Variants in RBFOX1 observed in about 807,000 individuals in gnomAD.
RBFOX1 encodes the protein RNA binding protein fox-1 homolog 1.
A neutral mutation model predicts 57.7 loss-of-function variants in RBFOX1; 8 were observed. The ratio of observed to expected loss-of-function variants is 0.14; its 90% CI spans 0.08 to 0.25. The LOEUF (loss-of-function observed/expected upper bound fraction) is 0.25. Among genes scored for constraint, RBFOX1 ranks in the 10% least tolerant of loss-of-function variants. RBFOX1 has a pLI of 1.00. For missense variants in RBFOX1, 611 were observed against 548.5 expected (o/e 1.11, Z -1.14); for synonymous variants, 326 against 222.4 (o/e 1.47, Z -4.15).
At chr16:5,815,413 C>T (rs1269291529) in intron 3 of RBFOX1, among the ~76,000 whole-genome samples, 1 of 152,060 alleles carries the variant, frequency 6.6e-6, no homozygotes, top group African/African-American at 2.4e-5. Context: ...CTTCAGATCC[C>T]ATGATTAGAA....
At position 7,527,074 on chromosome 16, in the gene RBFOX1, C is replaced by T. The variant is rs181642669; in HGVS notation, c.270+8685C>T. Reference sequence around the variant, plus strand: ...AGTGTGCTCTTGTTTGAGACCTGCGCCTTGAGCAAACTCCAATAACATGTT... The same window carrying T: ...AGTGTGCTCTTGTTTGAGACCTGCGTCTTGAGCAAACTCCAATAACATGTT... On this transcript the variant is annotated intron_variant, in intron 5 of 15. Coordinates refer to ENST00000550418, the MANE Select transcript of RBFOX1 (RefSeq NM_018723.4). Among the ~76,000 whole-genome samples the T allele has an allele frequency of 7.9e-5, 12 of 152,320 alleles. No individual in the cohort carries two copies. The East Asian group carries it at 2.1e-3, about 27-fold the overall frequency.
chr16:6,775,142 G>GGTGA (rs2154217572), intron 3 of RBFOX1, among the ~76,000 whole-genome samples: 1 of 149,934 alleles, frequency 6.7e-6, no homozygotes, highest in African/African-American at 2.5e-5. Flanking sequence ...TGGCGAACAT[G>GGTGA]GTGAAACCCC....
At chr16:6,323,494 AGTT>A in intron 2 of RBFOX1, among the ~76,000 whole-genome samples, 1 of 152,076 alleles carries the variant, frequency 6.6e-6, no homozygotes, top group East Asian at 1.9e-4. Context: ...ATTTTGAATG[AGTT>A]GTTCATTGAG....
At chr16:5,992,086 A>C (rs765353067) in intron 4 of RBFOX1, among the ~76,000 whole-genome samples, 6 of 152,212 alleles carry the variant, frequency 3.9e-5, no homozygotes, top group Non-Finnish European at 5.9e-5. Context: ...AACTGTAAAA[A>C]TCCTTCACCA....
Position 6,019,662 on chromosome 16 carries a change from C to A in RBFOX1, c.-457C>A, listed in dbSNP as rs543984071. 3 of 1,302,734 alleles carry A rather than the reference C, an allele frequency of 2.3e-6. No homozygotes were observed. The highest frequency in any genetic ancestry group is 2.9e-4 in the Middle Eastern group (1 of 3,394). The allele number at this position is 1,302,734 out of a possible 1,614,324, so 80.7% of individuals were successfully genotyped here. ...GGACAGCCAGCCGTGGGCCCCGCCC[C>A]GGCGTCCGGAGCAGGAGAACTCCGA... is the stretch of plus-strand genomic sequence containing the variant. On this transcript the variant is annotated 5_prime_UTR_variant, in exon 1 of 16. Transcript: ENST00000550418. This position sits in a 1 kb window ranked among gnomAD's most constrained non-coding sequence, Gnocchi z 4.2.
At chr16:7,550,877 T>G (rs370231132) in intron 5 of RBFOX1, among the ~76,000 whole-genome samples, 3 of 151,956 alleles carry the variant, frequency 2.0e-5, no homozygotes, top group African/African-American at 7.2e-5. Flanking sequence ...GCGGATCACT[T>G]GAGGTCAGGA....
chr16:6,724,657 C>A (rs1330850564), intron 3 of RBFOX1, among the ~76,000 whole-genome samples: 2 of 152,040 alleles, frequency 1.3e-5, no homozygotes, highest in Non-Finnish European at 2.9e-5. Flanking sequence ...TTATAGCAGC[C>A]CGAATAGACT....
chr16:6,285,914 TTAAA>T (rs2076859613), intron 1 of RBFOX1, among the ~76,000 whole-genome samples: 1 of 152,188 alleles, frequency 6.6e-6, no homozygotes, highest in Non-Finnish European at 1.5e-5. Context: ...AGTCACATAA[TTAAA>T]TAAATTGAGG....
chr16:7,387,028 C>G (rs1041281505), intron 4 of RBFOX1, among the ~76,000 whole-genome samples: 3 of 152,088 alleles, frequency 2.0e-5, no homozygotes, highest in African/African-American at 7.2e-5. Flanking sequence ...AATGTCTTCT[C>G]TTGAGAAGTG....
chr16:6,043,464 G>C (rs2095463206), intron 1 of RBFOX1, among the ~76,000 whole-genome samples: 1 of 152,168 alleles, frequency 6.6e-6, no homozygotes. Flanking sequence ...GAGTCAGGTT[G>C]GAATTGGGTA....
rs57110590 is a variant in RBFOX1, at chr16:6,941,300, C to CTCCTTCCTTCCTTCCTTCCTTCCT, written c.-15-110722_-15-110699dup. On this transcript the variant is annotated intron_variant, in intron 3 of 15. Coordinates refer to ENST00000550418, the MANE Select transcript of RBFOX1 (RefSeq NM_018723.4). ...CTCCCTTCCCTCCTTCCCTCCCTCC[C>CTCCTTCCTTCCTTCCTTCCTTCCT]TCCTTCCTTCCTTCCTTCCTTCCTT... Among the ~76,000 whole-genome samples the CTCCTTCCTTCCTTCCTTCCTTCCT allele has an allele frequency of 6.8e-4, 54 of 79,216 alleles. No individual in the cohort carries two copies. The East Asian group carries it at 8.5e-3, about 12-fold the overall frequency. 52.0% of individuals were successfully genotyped at this position (79,216 alleles called of 152,430 possible).
chr16:5,541,602 C>T (rs554317699), intron 2 of RBFOX1, among the ~76,000 whole-genome samples: 19 of 152,180 alleles, frequency 1.2e-4, no homozygotes, highest in Middle Eastern at 3.4e-3. Context: ...TTTATCTCAG[C>T]GAGCAGAGGG....
chr16:6,967,225 A>T (rs985724770), intron 3 of RBFOX1, among the ~76,000 whole-genome samples: 1 of 151,868 alleles, frequency 6.6e-6, no homozygotes, highest in African/African-American at 2.4e-5. Context: ...TCCATCATCC[A>T]TTTGTTTATA....
chr16:6,176,280 G>C (rs2097007403), intron 1 of RBFOX1, among the ~76,000 whole-genome samples: 1 of 150,150 alleles, frequency 6.7e-6, no homozygotes, highest in East Asian at 1.9e-4. Context: ...CGAGTAGCTG[G>C]GATTACAGGT....
chr16:5,625,819 A>T (rs2048333393), intron 3 of RBFOX1, among the ~76,000 whole-genome samples: 1 of 151,834 alleles, frequency 6.6e-6, no homozygotes, highest in Non-Finnish European at 1.5e-5. Context: ...CAGCCTCCCA[A>T]AGTACTGGGA....
chr16:6,395,575 ATATAAT>A (rs71145223), intron 2 of RBFOX1, among the ~76,000 whole-genome samples: 44,711 of 151,494 alleles, frequency 0.3, 6,941 homozygotes, highest in African/African-American at 0.4. Context: ...GTGAAAAAAC[ATATAAT>A]TATATACAGA....
At chr16:7,240,536 TTTTTTGTTTGTTTGTTTG>T (rs1307249233) in intron 4 of RBFOX1, among the ~76,000 whole-genome samples, 8 of 151,958 alleles carry the variant, frequency 5.3e-5, no homozygotes, top group Non-Finnish European at 1.2e-4. Context: ...TTTCGTGGTG[TTTTTTGTTTGTTTGTTTG>T]TTTTTGTTTG....
intron 3 of RBFOX1, among the ~76,000 whole-genome samples, chr16:6,666,352 G>C (rs2098732655): frequency 6.6e-6 from 1 of 152,070 alleles, no homozygotes; most frequent in African/African-American, 2.4e-5. Context: ...TGGCCAACAT[G>C]ATGAAACCCT....
chr16:7,546,490 T>C (rs2084589915), intron 5 of RBFOX1, among the ~76,000 whole-genome samples: 1 of 152,184 alleles, frequency 6.6e-6, no homozygotes, highest in Non-Finnish European at 1.5e-5. Context: ...GAAAATATAG[T>C]ATATCCAGAT....
Sources: allele counts gnomAD v4.1 joint callset (sites outside exome capture counted in the v4.1 genomes callset), GRCh38; gene constraint gnomAD v4.1.1; non-coding constraint Gnocchi (gnomAD v3.1); transcripts MANE v1.5; gene names NCBI Gene and HGNC (gene_info 2026-07-23, HGNC 2026-07-21).